Variants in HEPH observed in about 807,000 individuals in gnomAD.
HEPH encodes the protein hephaestin.
Under a neutral mutation model 80.8 loss-of-function variants are expected in HEPH, and 69 were observed. The ratio of observed to expected loss-of-function variants is 0.85; its 90% CI spans 0.70 to 1.04. The LOEUF (loss-of-function observed/expected upper bound fraction) is 1.04. Ranked by LOEUF, HEPH falls within the 50% of genes least tolerant of loss-of-function variation. HEPH has a pLI of 0.00. For synonymous variants in HEPH, 431 were observed against 322.8 expected (o/e 1.34, Z -3.60); for missense variants, 1,115 against 891.3 (o/e 1.25, Z -3.20).
chrX:66,262,774 C>G (rs1170405649), intron 19 of HEPH, among the ~76,000 whole-genome samples: 2 of 111,360 alleles, frequency 1.8e-5, no homozygotes, highest in Non-Finnish European at 3.8e-5. Context: ...AGGAAAAAAA[C>G]TGAAGGTTTT....
intron 15 of HEPH, among the ~76,000 whole-genome samples, chrX:66,236,035 G>A (rs754431970): frequency 1.8e-5 from 2 of 111,759 alleles, no homozygotes; most frequent in African/African-American, 3.3e-5. Flanking sequence ...TCTAGATATA[G>A]GATCATGTTG....
Position 66,263,706 on chromosome X carries a change from C to G in HEPH, c.3244+18C>G. On this transcript the variant is annotated intron_variant, in intron 20 of 20. Transcript: ENST00000343002. The stretch of plus-strand genomic sequence containing the variant: ...TGAAAAAGGTACGTAAAATGATGCA[C>G]AGACTGGGTACTTATACATAGTGTG... The G allele has an allele frequency of 2.5e-6, 3 of 1,198,592 alleles. 1 individual carries two copies. In the Middle Eastern group the frequency reaches 7.0e-4, roughly 278 times the overall value.
At chrX:66,239,541 T>C (rs1211561555) in intron 15 of HEPH, among the ~76,000 whole-genome samples, 1 of 111,569 alleles carries the variant, frequency 9.0e-6, no homozygotes, top group Non-Finnish European at 1.9e-5. Flanking sequence ...TGATAATTAC[T>C]TTCACATAAT....
At chrX:66,238,226 T>C (rs1385130834) in intron 15 of HEPH, among the ~76,000 whole-genome samples, 1 of 111,665 alleles carries the variant, frequency 9.0e-6, no homozygotes, top group African/African-American at 3.3e-5. Flanking sequence ...TCTGTGTACT[T>C]CAGTATTTTT....
chrX:66,165,719 G>A (rs1251567955), intron 1 of HEPH, among the ~76,000 whole-genome samples: 1 of 111,760 alleles, frequency 8.9e-6, no homozygotes, highest in Non-Finnish European at 1.9e-5. Context: ...CAAGGTTTCA[G>A]TATATCTTAA....
chrX:66,235,597 G>T (rs1272314663), intron 15 of HEPH, among the ~76,000 whole-genome samples: 2 of 111,709 alleles, frequency 1.8e-5, no homozygotes, highest in African/African-American at 6.5e-5. Context: ...TGCTGTTTTG[G>T]TTACTGTAGC....
At position 66,198,957 on chromosome X, in the gene HEPH, C is replaced by A; in HGVS notation, c.1793C>A (p.Ala598Glu). The change falls in exon 11 of 21, where the codon GCA becomes GAA. Residue 598 changes from alanine (A) to glutamate (E), a missense_variant. By Grantham distance (107) the Ala-to-Glu change is moderately radical (BLOSUM62 -1). Around this residue, in one of 3 missense-constraint regions of HEPH, gnomAD observed 716 missense variants for 523.5 expected, o/e 1.37. Transcript: ENST00000343002. ...AGCTGGTACAGCAATGCCAATCAAG[C>A]AGCTGCTATGTTGGATTTCCGACTG... is the stretch of plus-strand genomic sequence containing the variant. ...NKSWYSNANQ[A>E]AAMLDFRLLS... 1 of 1,207,814 alleles carries A rather than the reference C, an allele frequency of 8.3e-7. No individual in the cohort carries two copies. Among genetic ancestry groups the A allele is most frequent in the Non-Finnish European group, 1.1e-6 (1 of 891,776 alleles).
intron 15 of HEPH, among the ~76,000 whole-genome samples, chrX:66,214,725 A>G (rs1409794330): frequency 4.3e-5 from 4 of 92,408 alleles, no homozygotes; most frequent in Non-Finnish European, 8.3e-5. Context: ...TATAGAAAGA[A>G]AATTTTCTTA....
chrX:66,264,213 T>G (rs183546427), intron 20 of HEPH, among the ~76,000 whole-genome samples: 2 of 107,580 alleles, frequency 1.9e-5, no homozygotes, highest in Admixed American at 2.0e-4. Flanking sequence ...AATTCATCCA[T>G]GTAACCAAAA....
In HEPH at chrX:66,260,154, G is replaced by A; in HGVS notation, c.3091G>A (p.Val1031Ile). 1 of 1,208,071 alleles carries A rather than the reference G, an allele frequency of 8.3e-7. No individual in the cohort carries two copies. The highest frequency in any genetic ancestry group is 1.7e-5 in the African/African-American group (1 of 57,533). Residue 1031 changes from valine (V) to isoleucine (I), a missense_variant, in exon 19 of 21, where the codon GTT becomes ATT. Physicochemically the swap from Val to Ile is conservative, Grantham distance 29. Around this residue, in one of 3 missense-constraint regions of HEPH, gnomAD observed 716 missense variants for 523.5 expected, o/e 1.37. Coordinates refer to ENST00000343002, the MANE Select transcript of HEPH (RefSeq NM_001367233.3). ...VVDLFPGTFE[V>I]VEMVASNPGT... ...GGATCTGTTCCCAGGGACTTTTGAGGTTGTGGAGATGGTGGCCAGCAACCC... is the reference window on the plus strand; with the variant it reads ...GGATCTGTTCCCAGGGACTTTTGAGATTGTGGAGATGGTGGCCAGCAACCC...
rs142745062 is a variant in HEPH at position 66,200,649 on chromosome X, C to T, written c.1974C>T (p.Val658=). 2.6e-4 allele frequency: 314 copies of T among 1,209,462 alleles called. 1 individual carries two copies. In the African/African-American group the frequency reaches 5.0e-3, roughly 19 times the overall value. The change falls in exon 12 of 21, where the codon GTC becomes GTT. Residue 658 remains valine (V), a synonymous_variant. Transcript: ENST00000343002. ...GCACAGAGACTGATGTGCATGGAGT[C>T]ATGTTCCAGGGCAACACTGTGCAGC... ...GLGTETDVHG[V]MFQGNTVQLQ... is the part of the protein sequence containing the mutation.
chrX:66,180,380 G>A (rs1334662495), intron 4 of HEPH, among the ~76,000 whole-genome samples: 1 of 110,799 alleles, frequency 9.0e-6, no homozygotes, highest in African/African-American at 3.3e-5. Context: ...TAGTTTTGCT[G>A]GATACAGAAT....
chrX:66,211,852 C>T (rs1435637421), intron 15 of HEPH, among the ~76,000 whole-genome samples: 1 of 111,223 alleles, frequency 9.0e-6, no homozygotes, highest in Non-Finnish European at 1.9e-5. Flanking sequence ...TGGGTAAATA[C>T]CTAGTAGTGA....
intron 15 of HEPH, among the ~76,000 whole-genome samples, chrX:66,224,772 C>T (rs1298228115): frequency 9.0e-6 from 1 of 111,403 alleles, no homozygotes; most frequent in Admixed American, 9.5e-5. Flanking sequence ...TTTAATTTAC[C>T]TTGGCTTTTA....
chrX:66,204,667 T>G (rs182331099), intron 13 of HEPH, among the ~76,000 whole-genome samples: 60 of 111,932 alleles, frequency 5.4e-4, no homozygotes, highest in African/African-American at 1.9e-3. Flanking sequence ...GATACTGACT[T>G]TGAAAACACT....
chrX:66,264,823 T>C (rs994152529), intron 20 of HEPH, among the ~76,000 whole-genome samples: 26 of 105,957 alleles, frequency 2.5e-4, no homozygotes, highest in Middle Eastern at 4.9e-3. Flanking sequence ...TATATATTTT[T>C]ATATATATTT....
chrX:66,187,239 C>T (rs1181797171), intron 4 of HEPH, among the ~76,000 whole-genome samples: 1 of 110,308 alleles, frequency 9.1e-6, no homozygotes, highest in Admixed American at 9.6e-5. Context: ...CTCCTGAATT[C>T]GTTTTCAGGT....
At chrX:66,193,434 T>C in intron 7 of HEPH, 68 bp from the exon 8 acceptor site, 1 of 745,996 alleles carries the variant, frequency 1.3e-6, no homozygotes, top group Non-Finnish European at 1.9e-6. Context: ...TTGGTGAGAC[T>C]AAGGGTGAGA....
chrX:66,248,859 C>A (rs765557188), intron 15 of HEPH, among the ~76,000 whole-genome samples: 16 of 111,624 alleles, frequency 1.4e-4, no homozygotes, highest in Non-Finnish European at 2.8e-4. Flanking sequence ...AATGTATCCT[C>A]CTTGGATAGA....
Sources: allele counts gnomAD v4.1 joint callset (sites outside exome capture counted in the v4.1 genomes callset), GRCh38; gene constraint gnomAD v4.1.1; regional missense constraint gnomAD v4.1.1; transcripts MANE v1.5; gene names NCBI Gene and HGNC (gene_info 2026-07-23, HGNC 2026-07-21).